The following APBB2 variants were observed in gnomAD, a reference collection of about 807,000 sequenced individuals.
The protein encoded by APBB2 is amyloid beta precursor protein binding family B member 2.
Under a neutral mutation model 82.5 loss-of-function variants are expected in APBB2, and 38 were observed. The ratio of observed to expected loss-of-function variants is 0.46; its 90% confidence interval spans 0.36 to 0.60. APBB2 has a LOEUF of 0.60. Among genes scored for constraint, APBB2 ranks in the 20% least tolerant of loss-of-function variants. The pLI is 0.00. For missense variants in APBB2, 772 were observed against 972.3 expected, an observed-to-expected ratio of 0.79 and a Z score of 2.74; for synonymous variants, 341 against 368.2, an observed-to-expected ratio of 0.93 and a Z score of 0.85.
At chr4:40,873,087 C>CAA (rs71648932) in intron 12 of APBB2, among the ~76,000 whole-genome samples, 84 of 106,022 alleles carry the variant, frequency 7.9e-4, no homozygotes, top group Middle Eastern at 5.9e-3. Context: ...GACTCCATCT[C>CAA]AAAAAAAAAA....
chr4:41,142,059 A>C lies in APBB2; in HGVS notation c.-261+928T>G, dbSNP rs75340336. On this transcript the variant is annotated intron_variant, in intron 2 of 17. Coordinates refer to ENST00000508593, the MANE Select transcript of APBB2 (RefSeq NM_004307.2). Reference sequence around the variant, plus strand: ...GAAAATGAAACAAGGGCAATTGTCCAGGAAAAATCTGGATGATTTATTAAA... The same window carrying C: ...GAAAATGAAACAAGGGCAATTGTCCCGGAAAAATCTGGATGATTTATTAAA... Among the ~76,000 whole-genome samples, 1,255 of 152,340 alleles carry C rather than the reference A, an allele frequency of 8.2e-3. 54 individuals are homozygous for C. Among genetic ancestry groups the C allele is most frequent in the Admixed American group, 0.062 (947 of 15,300 alleles).
At chr4:41,194,068 G>A in intron 1 of APBB2, 1 of 151,444 alleles carries the variant, frequency 6.6e-6, no homozygotes, top group Non-Finnish European at 1.5e-5. Context: ...AAGGCGGGAG[G>A]ATCACTTGAG....
chr4:40,964,775 C>CACACACACACACAA (rs1170561072), intron 6 of APBB2, among the ~76,000 whole-genome samples: 1 of 151,790 alleles, frequency 6.6e-6, no homozygotes, highest in African/African-American at 2.4e-5. Flanking sequence ...CACACACACA[C>CACACACACACACAA]AACAATGCAC....
rs1361400563 is a variant in APBB2, at chr4:41,108,338, C to T, written c.-260-7588G>A. 4.6e-5 allele frequency among the ~76,000 whole-genome samples: 7 copies of T among 151,784 alleles called. No individual in the cohort carries two copies. The South Asian group carries it at 8.3e-4, about 18-fold the overall frequency. On this transcript the variant is annotated intron_variant, in intron 2 of 17. Transcript: ENST00000508593. ...TGACGCACATAGGAATATAGTTCTT[C>T]AGTGTTAGAGCATTTAGTCCATTTC...
intron 12 of APBB2, among the ~76,000 whole-genome samples, chr4:40,833,200 C>T (rs1752662860): frequency 6.6e-6 from 1 of 152,256 alleles, no homozygotes; most frequent in Non-Finnish European, 1.5e-5. Context: ...CTTCCATGTG[C>T]AGCCACCATC....
intron 12 of APBB2, among the ~76,000 whole-genome samples, chr4:40,862,877 G>A (rs1425821143): frequency 1.4e-5 from 2 of 144,380 alleles, no homozygotes; most frequent in African/African-American, 2.6e-5. Context: ...AAAAAAAAGC[G>A]CCACAATCTC....
intron 13 of APBB2, among the ~76,000 whole-genome samples, chr4:40,827,744 T>C (rs1283675496): frequency 6.6e-6 from 1 of 152,204 alleles, no homozygotes; most frequent in Non-Finnish European, 1.5e-5. Context: ...CAGATGGTAG[T>C]TCTGAGGATC....
intron 2 of APBB2, among the ~76,000 whole-genome samples, chr4:41,126,507 C>T (rs1754441625): frequency 1.3e-5 from 2 of 152,190 alleles, no homozygotes; most frequent in Admixed American, 1.3e-4. Context: ...TCTTGGGATA[C>T]CCAGGGCACT....
intron 2 of APBB2, among the ~76,000 whole-genome samples, chr4:41,140,164 C>T (rs934249066): frequency 6.6e-6 from 1 of 152,202 alleles, no homozygotes; most frequent in African/African-American, 2.4e-5. Context: ...GTGAGAACAG[C>T]AGCTGTTACC....
At chr4:40,929,506 A>G (rs1182482054) in intron 10 of APBB2, among the ~76,000 whole-genome samples, 2 of 152,092 alleles carry the variant, frequency 1.3e-5, no homozygotes, top group Non-Finnish European at 2.9e-5. Flanking sequence ...TCACCATGTT[A>G]GCCAGGATGG....
intron 1 of APBB2, among the ~76,000 whole-genome samples, chr4:41,165,308 G>C (rs1766219148): frequency 6.6e-6 from 1 of 152,086 alleles, no homozygotes; most frequent in South Asian, 2.1e-4. Flanking sequence ...CACAAATTGG[G>C]CATCTTACCA....
intron 10 of APBB2, 141 bp from the exon 11 acceptor site, chr4:40,893,552 A>T: frequency 1.4e-6 from 1 of 733,844 alleles, no homozygotes; most frequent in Non-Finnish European, 2.0e-6. Flanking sequence ...CATCTAATTG[A>T]GTTAACAAAT....
At chr4:41,156,402 C>T (rs1763453188) in intron 1 of APBB2, among the ~76,000 whole-genome samples, 1 of 152,136 alleles carries the variant, frequency 6.6e-6, no homozygotes, top group Non-Finnish European at 1.5e-5. Context: ...TCAGAGTTCC[C>T]GAGTACACCG....
intron 2 of APBB2, among the ~76,000 whole-genome samples, chr4:41,141,208 GAGAC>G (rs55916471): frequency 0.067 from 10,201 of 152,212 alleles, 489 homozygotes; most frequent in Non-Finnish European, 0.1. Flanking sequence ...TTGGATGTAA[GAGAC>G]AGACACCTAA....
At chr4:41,198,171 A>G in intron 1 of APBB2, among the ~76,000 whole-genome samples, 2 of 152,148 alleles carry the variant, frequency 1.3e-5, no homozygotes, top group Admixed American at 1.3e-4. Context: ...CCACCTCCCT[A>G]ATACATGTCT....
Position 40,886,298 on chromosome 4 carries a change from G to A in APBB2, c.1529+4066C>T, listed in dbSNP as rs184820132. On this transcript the variant is annotated intron_variant, in intron 12 of 17. Coordinates refer to ENST00000508593, the MANE Select transcript of APBB2 (RefSeq NM_004307.2). ...GTTCAAGACCAGCCTGGCCAACATGGTGAAACCCTGTCTCTACTAAAAATA... is the reference window on the plus strand; with the variant it reads ...GTTCAAGACCAGCCTGGCCAACATGATGAAACCCTGTCTCTACTAAAAATA... 2.3e-4 allele frequency among the ~76,000 whole-genome samples: 35 copies of A among 152,296 alleles called. No individual in the cohort carries two copies. The South Asian group carries it at 7.3e-3, about 32-fold the overall frequency.
At chr4:40,896,381 G>A (rs1218172533) in intron 10 of APBB2, among the ~76,000 whole-genome samples, 3 of 152,198 alleles carry the variant, frequency 2.0e-5, no homozygotes, top group African/African-American at 7.2e-5. Flanking sequence ...AGTTCTGAGC[G>A]TATGTGGATC....
chr4:41,154,221 G>C (rs1226124949), intron 1 of APBB2, among the ~76,000 whole-genome samples: 1 of 152,116 alleles, frequency 6.6e-6, no homozygotes, highest in Non-Finnish European at 1.5e-5. Context: ...AGCAGGCCTT[G>C]TTTTTTTCCT....
chr4:41,205,582 A>G (rs1329714608), intron 1 of APBB2, among the ~76,000 whole-genome samples: 18 of 152,326 alleles, frequency 1.2e-4, no homozygotes. Context: ...GGAACTAGAA[A>G]AACACAAAAA....
Sources: gnomAD v4.1 joint callset for allele counts (sites outside exome capture counted in the v4.1 genomes callset) on GRCh38, gnomAD v4.1.1 for gene constraint, MANE v1.5 for transcripts, NCBI Gene and HGNC (gene_info 2026-07-23, HGNC 2026-07-21) for gene names.